NUDCD1: variants seen among roughly 807,000 people sequenced by gnomAD.
NUDCD1 encodes nudC domain-containing protein 1.
Under a neutral mutation model 67.8 loss-of-function variants are expected in NUDCD1, and 60 were observed. That is an observed-to-expected ratio of 0.88 (90% CI 0.72 to 1.10). The LOEUF (loss-of-function observed/expected upper bound fraction) is 1.10, where lower values mean the gene tolerates loss of function less well. Ranked by LOEUF, NUDCD1 falls within the 50% of genes least tolerant of loss-of-function variation. NUDCD1 has a pLI of 0.00. For synonymous variants in NUDCD1, 244 were observed against 230.8 expected (o/e 1.06, Z -0.52); for missense variants, 643 against 695.0 (o/e 0.93, Z 0.84).
chr8:109,305,003 G>GT (rs1815071066), intron 2 of NUDCD1, among the ~76,000 whole-genome samples: 2 of 152,082 alleles, frequency 1.3e-5, no homozygotes, highest in Admixed American at 1.3e-4. Flanking sequence ...TTCCATGTAG[G>GT]TTACAAGCCA....
chr8:109,309,652 A>C (rs907532097), intron 2 of NUDCD1, among the ~76,000 whole-genome samples: 3 of 152,222 alleles, frequency 2.0e-5, no homozygotes, highest in Admixed American at 6.5e-5. Flanking sequence ...AAATCAGTAA[A>C]GAGAAAGTCA....
chr8:109,304,558 C>T (rs955758620), intron 2 of NUDCD1, among the ~76,000 whole-genome samples: 2 of 152,182 alleles, frequency 1.3e-5, no homozygotes, highest in African/African-American at 2.4e-5. Flanking sequence ...AAAGGCACTA[C>T]GCGTCAATAT....
intron 5 of NUDCD1, among the ~76,000 whole-genome samples, chr8:109,287,016 T>TA (rs1468909765): frequency 6.6e-6 from 1 of 151,852 alleles, no homozygotes; most frequent in Non-Finnish European, 1.5e-5. Flanking sequence ...CATGAAAAAA[T>TA]ACTCCACATC....
chr8:109,286,838 T>C (rs535064938), intron 5 of NUDCD1, among the ~76,000 whole-genome samples: 1 of 151,892 alleles, frequency 6.6e-6, no homozygotes, highest in Admixed American at 6.6e-5. Context: ...AAACAAACTA[T>C]AGAATCAGAG....
At chr8:109,260,365 T>G (rs1813838051) in intron 8 of NUDCD1, among the ~76,000 whole-genome samples, 1 of 152,152 alleles carries the variant, frequency 6.6e-6, no homozygotes, top group African/African-American at 2.4e-5. Context: ...TGGCAAATTT[T>G]TTTGTATACA....
chr8:109,258,811 G>T (rs756531772), intron 8 of NUDCD1, among the ~76,000 whole-genome samples: 1 of 152,080 alleles, frequency 6.6e-6, no homozygotes, highest in Non-Finnish European at 1.5e-5. Context: ...TATAAGATTT[G>T]CAACTAAAAG....
At chr8:109,332,294 T>G (rs1815822611) in intron 1 of NUDCD1, among the ~76,000 whole-genome samples, 1 of 151,998 alleles carries the variant, frequency 6.6e-6, no homozygotes, top group South Asian at 2.1e-4. Flanking sequence ...TAACTCTGAT[T>G]TGGATTAGGG....
intron 8 of NUDCD1, among the ~76,000 whole-genome samples, chr8:109,248,617 C>T (rs567986910): frequency 6.6e-6 from 1 of 151,406 alleles, no homozygotes; most frequent in South Asian, 2.1e-4. Context: ...GGGTCAAGAG[C>T]TTCTAGACTT....
chr8:109,281,499 C>T (rs1814438586), intron 5 of NUDCD1, among the ~76,000 whole-genome samples: 1 of 152,102 alleles, frequency 6.6e-6, no homozygotes, highest in African/African-American at 2.4e-5. Flanking sequence ...TAAACAAACA[C>T]ACACACACAC....
chr8:109,298,797 C>G (rs1814905443), intron 2 of NUDCD1: 1 of 152,164 alleles, frequency 6.6e-6, no homozygotes, highest in South Asian at 2.1e-4. Flanking sequence ...GACAGAGCAG[C>G]CTGTGGAGCC....
At position 109,269,750 on chromosome 8, in the gene NUDCD1, C is replaced by A. The variant is rs571115213; in HGVS notation, c.1299+1255G>T. Among the ~76,000 whole-genome samples the A allele has an allele frequency of 5.5e-4, 84 of 151,852 alleles. 1 individual carries two copies. Among genetic ancestry groups the A allele is most frequent in the Middle Eastern group, 3.4e-3 (1 of 292 alleles). ...TTCTCAATCTCCTCTGTTGCTTTTG[C>A]TTGGAATGAGTCTCCTAAATTTCCT... is the stretch of plus-strand genomic sequence containing the variant. On this transcript the variant is annotated intron_variant, in intron 8 of 9. Coordinates refer to ENST00000239690, the MANE Select transcript of NUDCD1 (RefSeq NM_032869.4).
intron 2 of NUDCD1, among the ~76,000 whole-genome samples, chr8:109,311,091 G>A (rs1405798657): frequency 6.6e-6 from 1 of 152,060 alleles, no homozygotes. Flanking sequence ...TGGGATTACA[G>A]GCATAAGCCA....
intron 2 of NUDCD1, among the ~76,000 whole-genome samples, chr8:109,318,163 C>T (rs116875211): frequency 0.011 from 1,602 of 152,190 alleles, 18 homozygotes; most frequent in Middle Eastern, 0.017. Flanking sequence ...GACCAACTAC[C>T]CTACCTCCCT....
chr8:109,307,443 C>T (rs1045825912), intron 2 of NUDCD1, among the ~76,000 whole-genome samples: 1 of 152,214 alleles, frequency 6.6e-6, no homozygotes, highest in Non-Finnish European at 1.5e-5. Flanking sequence ...GGTCTCTTTA[C>T]ACGGACGTGT....
intron 1 of NUDCD1, 109 bp from the exon 2 acceptor site, chr8:109,322,572 A>T: frequency 6.8e-6 from 5 of 731,900 alleles, no homozygotes; most frequent in Non-Finnish European, 1.1e-5. Flanking sequence ...GCCAATCACA[A>T]AGGCCTTCAG....
intron 1 of NUDCD1, among the ~76,000 whole-genome samples, chr8:109,325,423 C>T (rs1815656172): frequency 6.6e-6 from 1 of 152,186 alleles, no homozygotes; most frequent in Non-Finnish European, 1.5e-5. Flanking sequence ...CTGATTTGAT[C>T]ATTACACACC....
chr8:109,250,355 C>T (rs1198156880), intron 8 of NUDCD1, among the ~76,000 whole-genome samples: 1 of 152,134 alleles, frequency 6.6e-6, no homozygotes, highest in Non-Finnish European at 1.5e-5. Flanking sequence ...TTCAAAGATT[C>T]CAAACTAAGA....
chr8:109,270,168 G>A (rs1156352640), intron 8 of NUDCD1, among the ~76,000 whole-genome samples: 2 of 147,130 alleles, frequency 1.4e-5, no homozygotes, highest in Admixed American at 1.4e-4. Flanking sequence ...TTAATGAGCT[G>A]AATAAAAAAC....
chr8:109,246,880 G>A (rs375279873), intron 8 of NUDCD1, among the ~76,000 whole-genome samples: 8 of 152,300 alleles, frequency 5.3e-5, no homozygotes, highest in African/African-American at 1.4e-4. Flanking sequence ...AAGCTGTGAA[G>A]TGGCTCTCCA....
Sources: gnomAD v4.1 joint callset for allele counts (sites outside exome capture counted in the v4.1 genomes callset) on GRCh38, gnomAD v4.1.1 for gene constraint, MANE v1.5 for transcripts, NCBI Gene and HGNC (gene_info 2026-07-23, HGNC 2026-07-21) for gene names.